The following PRKG1 variants were observed in gnomAD, a reference collection of about 807,000 sequenced individuals.
PRKG1 encodes cGMP-dependent protein kinase 1.
Under a neutral mutation model 88.1 loss-of-function variants are expected in PRKG1, and 35 were observed. The ratio of observed to expected loss-of-function variants is 0.40; its 90% CI spans 0.30 to 0.53. The LOEUF is 0.53. Ranked by LOEUF, PRKG1 falls within the 20% of genes least tolerant of loss-of-function variation. PRKG1 has a pLI of 0.59. For missense variants in PRKG1, 540 were observed against 839.8 expected, an observed-to-expected ratio of 0.64 and a Z score of 4.41; for synonymous variants, 303 against 292.5, an observed-to-expected ratio of 1.04 and a Z score of -0.37.
intron 2 of PRKG1, among the ~76,000 whole-genome samples, chr10:51,348,030 T>G (rs1842154146): frequency 1.3e-5 from 2 of 152,010 alleles, no homozygotes; most frequent in African/African-American, 4.8e-5. Flanking sequence ...GCCACTGCAC[T>G]CCAGCCTGGG....
Position 51,948,708 on chromosome 10 carries a change from G to A in PRKG1, c.762+41138G>A, listed in dbSNP as rs371568366. On this transcript the variant is annotated intron_variant, in intron 5 of 17. Coordinates refer to ENST00000373980, the MANE Select transcript of PRKG1 (RefSeq NM_006258.4). ...GTTTCAACGAGCCAACTAGTTTGAA[G>A]GCTATCATCACCACCACAACCTTTT... Among the ~76,000 whole-genome samples, 9 of 152,210 alleles carry A rather than the reference G, an allele frequency of 5.9e-5. No individual in the cohort carries two copies. In the South Asian group the frequency reaches 1.0e-3, roughly 18 times the overall value.
chr10:52,232,167 A>T (rs1019296115), intron 9 of PRKG1, among the ~76,000 whole-genome samples: 3 of 151,902 alleles, frequency 2.0e-5, no homozygotes, highest in Non-Finnish European at 4.4e-5. Flanking sequence ...TCCGGGCATG[A>T]TGGTGGGCGC....
intron 3 of PRKG1, among the ~76,000 whole-genome samples, chr10:51,584,302 G>A (rs919731768): frequency 1.2e-4 from 18 of 151,954 alleles, no homozygotes; most frequent in African/African-American, 4.1e-4. Flanking sequence ...GAGCCACTTT[G>A]TGCCAGGGCC....
chr10:51,874,939 T>C (rs142290129), intron 4 of PRKG1, among the ~76,000 whole-genome samples: 1 of 152,266 alleles, frequency 6.6e-6, no homozygotes, highest in East Asian at 1.9e-4. Context: ...TTCCAGACAC[T>C]TCCTGGATTC....
At chr10:52,119,751 A>G (rs1378032786) in intron 7 of PRKG1, among the ~76,000 whole-genome samples, 1 of 152,174 alleles carries the variant, frequency 6.6e-6, no homozygotes, top group East Asian at 1.9e-4. Context: ...AATACCACAG[A>G]CCAGGTATTT....
chr10:51,732,657 G>A (rs927802903), intron 3 of PRKG1, among the ~76,000 whole-genome samples: 1 of 152,090 alleles, frequency 6.6e-6, no homozygotes, highest in African/African-American at 2.4e-5. Flanking sequence ...GGATCTTAAC[G>A]AAATCAGATT....
intron 1 of PRKG1, among the ~76,000 whole-genome samples, chr10:51,102,589 A>G (rs188750331): frequency 4.6e-5 from 7 of 152,288 alleles, no homozygotes; most frequent in African/African-American, 1.4e-4. Flanking sequence ...CCCTCTTGGT[A>G]AGAGACTGGA....
At chr10:51,358,289 G>A (rs1202818555) in intron 2 of PRKG1, among the ~76,000 whole-genome samples, 5 of 151,810 alleles carry the variant, frequency 3.3e-5, no homozygotes, top group Non-Finnish European at 7.4e-5. Flanking sequence ...AAGATACCAA[G>A]GCAATGCCTT....
chr10:51,466,394 G>C (rs1031835371), intron 2 of PRKG1, among the ~76,000 whole-genome samples: 1 of 152,000 alleles, frequency 6.6e-6, no homozygotes, highest in African/African-American at 2.4e-5. Context: ...TTTACATACA[G>C]AGGGGCATGC....
chr10:51,729,783 C>A (rs1185961684), intron 3 of PRKG1, among the ~76,000 whole-genome samples: 1 of 143,348 alleles, frequency 7.0e-6, no homozygotes, highest in East Asian at 2.1e-4. Flanking sequence ...CAAACTACAT[C>A]ATCAGCTACT....
chr10:52,167,831 A>G (rs1838529452), intron 9 of PRKG1, among the ~76,000 whole-genome samples: 1 of 152,206 alleles, frequency 6.6e-6, no homozygotes, highest in Non-Finnish European at 1.5e-5. Flanking sequence ...AAGTTCTGAC[A>G]ACTATATGAC....
chr10:52,216,864 A>T (rs1840124600), intron 9 of PRKG1, among the ~76,000 whole-genome samples: 1 of 152,158 alleles, frequency 6.6e-6, no homozygotes, highest in Non-Finnish European at 1.5e-5. Context: ...AAAACTTTTT[A>T]GTTTTTCACA....
chr10:51,812,593 T>C (rs1307948865), intron 4 of PRKG1, among the ~76,000 whole-genome samples: 2 of 152,150 alleles, frequency 1.3e-5, no homozygotes, highest in Admixed American at 6.5e-5. Flanking sequence ...ATGACTTTTT[T>C]TGGTGCAAGT....
At chr10:51,602,978 G>A (rs1838657146) in intron 3 of PRKG1, among the ~76,000 whole-genome samples, 1 of 151,762 alleles carries the variant, frequency 6.6e-6, no homozygotes, top group Admixed American at 6.6e-5. Context: ...TTTTTTCTGA[G>A]ATGGAGTCTC....
chr10:51,744,380 C>T (rs1333873379), intron 3 of PRKG1, among the ~76,000 whole-genome samples: 3 of 152,144 alleles, frequency 2.0e-5, no homozygotes, highest in Non-Finnish European at 4.4e-5. Context: ...TAGTGATAGG[C>T]CTGTGGACCA....
At chr10:52,271,029 A>T (rs1180493976) in intron 10 of PRKG1, among the ~76,000 whole-genome samples, 1 of 152,130 alleles carries the variant, frequency 6.6e-6, no homozygotes, top group Non-Finnish European at 1.5e-5. Flanking sequence ...TGACAGAAGA[A>T]CTATAAAATG....
At chr10:51,258,868 G>A (rs1915675) in intron 2 of PRKG1, among the ~76,000 whole-genome samples, 151,331 of 152,372 alleles carry the variant, frequency 0.99, 75,157 homozygotes, top group East Asian at 1. Context: ...TTCTCCAGGA[G>A]ATGCATTGTG....
chr10:51,265,620 A>G (rs561621439), intron 2 of PRKG1, among the ~76,000 whole-genome samples: 2 of 152,096 alleles, frequency 1.3e-5, no homozygotes, highest in Non-Finnish European at 2.9e-5. Context: ...GTTACAGAGT[A>G]CATGCCTTCC....
At chr10:51,221,382 C>G (rs1388974068) in intron 2 of PRKG1, among the ~76,000 whole-genome samples, 1 of 151,816 alleles carries the variant, frequency 6.6e-6, no homozygotes, top group Admixed American at 6.6e-5. Flanking sequence ...TCTATGATAT[C>G]AAAATATATA....
Sources: gnomAD v4.1 joint callset for allele counts (sites outside exome capture counted in the v4.1 genomes callset) on GRCh38, gnomAD v4.1.1 for gene constraint, MANE v1.5 for transcripts, NCBI Gene and HGNC (gene_info 2026-07-23, HGNC 2026-07-21) for gene names.